The following ARAP2 variants were observed in gnomAD, a reference collection of about 807,000 sequenced individuals.
The protein encoded by ARAP2 is arf-GAP with Rho-GAP domain, ANK repeat and PH domain-containing protein 2.
ARAP2 carries 148 observed loss-of-function variants against 194.5 expected under a neutral mutation model. The observed-to-expected ratio is 0.76, with a 90% CI of 0.67 to 0.87. ARAP2 has a LOEUF of 0.87. Among genes scored for constraint, ARAP2 ranks in the 40% least tolerant of loss-of-function variants. The pLI is 0.00. For missense variants in ARAP2, 2,128 were observed against 1,989.7 expected, an observed-to-expected ratio of 1.07 and a Z score of -1.32; for synonymous variants, 695 against 683.5, an observed-to-expected ratio of 1.02 and a Z score of -0.26.
chr4:36,124,404 T>A (rs187966877), intron 22 of ARAP2, among the ~76,000 whole-genome samples: 2 of 152,016 alleles, frequency 1.3e-5, no homozygotes, highest in African/African-American at 4.8e-5. Context: ...ATTCCTCATA[T>A]CTTCCCAAAT....
chr4:36,104,804 A>G (rs754370614), intron 27 of ARAP2, among the ~76,000 whole-genome samples: 17 of 152,040 alleles, frequency 1.1e-4, no homozygotes, highest in Non-Finnish European at 2.5e-4. Flanking sequence ...TTTATTTTAT[A>G]GGTTCTCTTA....
intron 24 of ARAP2, among the ~76,000 whole-genome samples, chr4:36,119,213 T>C (rs1722099492): frequency 6.6e-6 from 1 of 151,494 alleles, no homozygotes; most frequent in Non-Finnish European, 1.5e-5. Context: ...ATTAGATGCA[T>C]TCCATTAATA....
chr4:36,076,360 A>C (rs1728251777), intron 31 of ARAP2, among the ~76,000 whole-genome samples: 1 of 152,034 alleles, frequency 6.6e-6, no homozygotes, highest in Non-Finnish European at 1.5e-5. Context: ...GTCTTCATAT[A>C]ATGTATGCAA....
intron 26 of ARAP2, among the ~76,000 whole-genome samples, chr4:36,108,260 C>G (rs1351471600): frequency 6.6e-6 from 1 of 151,874 alleles, no homozygotes; most frequent in East Asian, 1.9e-4. Context: ...TTTTTATATG[C>G]AATTAAATGG....
rs997340864 is a variant in ARAP2 at position 36,031,814 on chromosome 4, G to A, written n.608-12528C>T. ...CCCCCAAGTAGCTGGGATTACAGGC[G>A]CCCGCCACCACACCCAGCTAATTTT... On this transcript the variant is annotated intron_variant and non_coding_transcript_variant, in intron 5 of 12. Transcript: ENST00000503225. Among the ~76,000 whole-genome samples, 8 of 151,952 alleles carry A rather than the reference G, an allele frequency of 5.3e-5. No individual in the cohort carries two copies. In the South Asian group the frequency reaches 1.0e-3, roughly 20 times the overall value.
At chr4:36,222,456 AGTT>A (rs908451767) in intron 2 of ARAP2, among the ~76,000 whole-genome samples, 8 of 152,104 alleles carry the variant, frequency 5.3e-5, no homozygotes, top group Admixed American at 2.6e-4. Flanking sequence ...ACATTATACA[AGTT>A]ATTATATAAA....
chr4:36,104,509 T>C (rs999386614), intron 27 of ARAP2, among the ~76,000 whole-genome samples: 2 of 152,002 alleles, frequency 1.3e-5, no homozygotes, highest in African/African-American at 4.8e-5. Context: ...TAAATGAGAC[T>C]GAATACCAAA....
At chr4:36,131,271 T>C (rs1725376931) in intron 20 of ARAP2, among the ~76,000 whole-genome samples, 1 of 151,270 alleles carries the variant, frequency 6.6e-6, no homozygotes, top group Non-Finnish European at 1.5e-5. Flanking sequence ...AAGCTTCTTA[T>C]AGTAGTGCCC....
chr4:36,146,340 C>T (rs1729616565), intron 19 of ARAP2, among the ~76,000 whole-genome samples: 1 of 152,034 alleles, frequency 6.6e-6, no homozygotes, highest in Non-Finnish European at 1.5e-5. Context: ...TCAGACCATT[C>T]CACTCCCCAG....
intron 3 of ARAP2, chr4:36,051,913 T>A (rs887091789): frequency 6.6e-5 from 10 of 152,168 alleles, no homozygotes; most frequent in African/African-American, 2.4e-4. Flanking sequence ...TCCTAGCCAA[T>A]CTATATGTTA....
chr4:36,128,588 G>A lies in ARAP2; in HGVS notation c.3585C>T (p.Asp1195=). The change falls in exon 21 of 33, where the codon GAC becomes GAT. Residue 1195 remains aspartate, a synonymous_variant. Coordinates refer to ENST00000303965, the MANE Select transcript of ARAP2 (RefSeq NM_015230.4). ...VTAVLKSFLS[D]IDDALLTKEL... ...CCTTAGTAAGCAGTGCATCATCAATGTCAGAGAGAAAACTTTTCAACACAG... is the reference window on the plus strand; with the variant it reads ...CCTTAGTAAGCAGTGCATCATCAATATCAGAGAGAAAACTTTTCAACACAG... 6.2e-7 allele frequency: 1 copy of A among 1,612,908 alleles called. No individual in the cohort carries two copies. The highest frequency in any genetic ancestry group is 8.5e-7 in the Non-Finnish European group (1 of 1,179,580).
chr4:36,121,858 A>C (rs1399341728), intron 22 of ARAP2, among the ~76,000 whole-genome samples: 2 of 151,748 alleles, frequency 1.3e-5, no homozygotes, highest in African/African-American at 2.4e-5. Flanking sequence ...TTCTAAATAA[A>C]ATATTATCAC....
intron 24 of ARAP2, among the ~76,000 whole-genome samples, chr4:36,117,367 T>C (rs1419874233): frequency 2.6e-5 from 4 of 151,726 alleles, no homozygotes; most frequent in Non-Finnish European, 1.5e-5. Flanking sequence ...ATTTTCTTTT[T>C]TATCTCTTAC....
chr4:36,170,581 G>A (rs897912798), intron 9 of ARAP2, among the ~76,000 whole-genome samples: 2 of 152,196 alleles, frequency 1.3e-5, no homozygotes, highest in African/African-American at 4.8e-5. Flanking sequence ...GATCCTATTT[G>A]TCCTGGGTGC....
chr4:36,224,534 G>T (rs1749864710), intron 2 of ARAP2, among the ~76,000 whole-genome samples: 2 of 152,018 alleles, frequency 1.3e-5, no homozygotes, highest in Non-Finnish European at 1.5e-5. Flanking sequence ...CAACACATAA[G>T]TTTACAACAT....
At chr4:36,025,463 C>T (rs985985294) in intron 5 of ARAP2, among the ~76,000 whole-genome samples, 1 of 152,130 alleles carries the variant, frequency 6.6e-6, no homozygotes, top group Admixed American at 6.5e-5. Flanking sequence ...CCTCCTGTCT[C>T]GTCACTGGCG....
At chr4:36,218,396 T>C (rs901224150) in intron 2 of ARAP2, among the ~76,000 whole-genome samples, 2 of 152,106 alleles carry the variant, frequency 1.3e-5, no homozygotes, top group Non-Finnish European at 2.9e-5. Context: ...GACACAAGTT[T>C]ACTTATATAA....
In ARAP2 at chr4:36,160,617, T is replaced by C. The variant is rs868654184; in HGVS notation, c.2284A>G (p.Arg762Gly). ...IELFIVIGNK[R>G]ANDFWAGNLQ... ...TTACCAGCCCAAAAGTCATTTGCTC[T>C]TTTGTTTCCAATGACAATAAAAAGC... The change falls in exon 13 of 33, where the codon AGA becomes GGA. Residue 762 changes from arginine to glycine, a missense_variant. Arg to Gly is a moderately radical substitution (Grantham distance 125). Coordinates refer to ENST00000303965, the MANE Select transcript of ARAP2 (RefSeq NM_015230.4). The C allele has an allele frequency of 2.0e-6, 3 of 1,478,280 alleles. No homozygotes were observed. The highest frequency in any genetic ancestry group is 2.7e-5 in the East Asian group (1 of 37,686). The allele number at this position is 1,478,280 out of a possible 1,614,324, so 91.6% of individuals were successfully genotyped here. A position where few individuals can be genotyped will look rare whatever the true frequency, so the allele number is the denominator to read the frequency against.
intron 8 of ARAP2, among the ~76,000 whole-genome samples, chr4:36,014,317 A>AGAAGAGAAGAGAAGGAAG (rs1560264922): frequency 1.0e-5 from 1 of 97,184 alleles, no homozygotes; most frequent in African/African-American, 4.7e-5. Flanking sequence ...AAGGAAAGAA[A>AGAAGAGAAGAGAAGGAAG]GAAAGAGAGA....
Sources: allele counts gnomAD v4.1 joint callset (sites outside exome capture counted in the v4.1 genomes callset), GRCh38; gene constraint gnomAD v4.1.1; transcripts MANE v1.5; gene names NCBI Gene and HGNC (gene_info 2026-07-23, HGNC 2026-07-21).